HIVEP3: variants seen among roughly 807,000 people sequenced by gnomAD.
HIVEP3 encodes the protein transcription factor HIVEP3.
In HIVEP3, 49 loss-of-function variants were observed where a neutral mutation model predicts 152.8. The ratio of observed to expected loss-of-function variants is 0.32; its 90% CI spans 0.26 to 0.41. The LOEUF (loss-of-function observed/expected upper bound fraction) is 0.41, where lower values mean the gene tolerates loss of function less well. Ranked by LOEUF, HIVEP3 falls within the 10% of genes least tolerant of loss-of-function variation. The pLI is 1.00. For synonymous variants in HIVEP3, 1,269 were observed against 1,289.0 expected, an observed-to-expected ratio of 0.98 and a Z score of 0.33; for missense variants, 2,790 against 3,103.3, an observed-to-expected ratio of 0.90 and a Z score of 2.40.
At position 41,506,526 on chromosome 1, in the gene HIVEP3, C is replaced by A. The variant is rs561843009; in HGVS notation, c.*3925G>T. 1 of 152,064 alleles carries A rather than the reference C, an allele frequency of 6.6e-6. No homozygotes were observed. The allele number at this position is 152,064 out of a possible 1,614,324, so 9.4% of individuals were successfully genotyped here. A position where few individuals can be genotyped will look rare whatever the true frequency, so the allele number is the denominator to read the frequency against. ...TGTAATTTACAACAAAGGTCACACA[C>A]ATCAATACTGAGCATTTTTCCTTTT... On this transcript the variant is annotated 3_prime_UTR_variant, in exon 9 of 9. Transcript: ENST00000372583.
At chr1:41,934,931 T>TA (rs1386696592) in intron 1 of HIVEP3, among the ~76,000 whole-genome samples, 1 of 152,194 alleles carries the variant, frequency 6.6e-6, no homozygotes, top group Non-Finnish European at 1.5e-5. Flanking sequence ...AGAGGCTTTC[T>TA]AGTCCACTTA....
At chr1:41,836,079 C>T (rs1428654766) in intron 1 of HIVEP3, among the ~76,000 whole-genome samples, 1 of 152,178 alleles carries the variant, frequency 6.6e-6, no homozygotes, top group African/African-American at 2.4e-5. Flanking sequence ...CAGCTCTCAG[C>T]ACCTGAGCTT....
intron 2 of HIVEP3, among the ~76,000 whole-genome samples, chr1:41,690,001 C>G (rs775068598): frequency 3.9e-5 from 6 of 152,258 alleles, no homozygotes; most frequent in Non-Finnish European, 7.3e-5. Context: ...TTGCCACAAT[C>G]CCGTGTGCCT....
At chr1:41,891,057 G>C (rs981099636) in intron 1 of HIVEP3, among the ~76,000 whole-genome samples, 2 of 152,172 alleles carry the variant, frequency 1.3e-5, no homozygotes, top group African/African-American at 4.8e-5. Context: ...GGGCTCCCCA[G>C]ATGGCCACTG....
chr1:41,981,442 T>C (rs1428557862), intron 1 of HIVEP3, among the ~76,000 whole-genome samples: 1 of 151,394 alleles, frequency 6.6e-6, no homozygotes, highest in Non-Finnish European at 1.5e-5. Flanking sequence ...GAGGAAGTGG[T>C]GGGGAGGCTC....
upstream of HIVEP3, among the ~76,000 whole-genome samples, chr1:41,920,596 G>T (rs1998758): frequency 0.3 from 39,405 of 132,740 alleles, 5,418 homozygotes; most frequent in African/African-American, 0.47. Context: ...TTTTTGTTTT[G>T]TTTTTTACCC....
Position 41,581,901 on chromosome 1 carries a change from A to T in HIVEP3, c.2897T>A (p.Met966Lys). 1 of 1,613,916 alleles carries T rather than the reference A, an allele frequency of 6.2e-7. No homozygotes were observed. The highest frequency in any genetic ancestry group is 1.6e-4 in the Middle Eastern group (1 of 6,062). Reference sequence around the variant, plus strand: ...GTGGGTGCCCAGGGGTTTGGGGCGCATGTCAGATGAGGGACTGGGGGCCTC... The same window carrying T: ...GTGGGTGCCCAGGGGTTTGGGGCGCTTGTCAGATGAGGGACTGGGGGCCTC... ...KAEAPSPSSD[M>K]RPKPLGTHML... Residue 966 changes from methionine to lysine, a missense_variant, in exon 4 of 9, where the codon ATG becomes AAG. Coordinates refer to ENST00000372583, the MANE Select transcript of HIVEP3 (RefSeq NM_024503.5). This position sits in a 1 kb window ranked among gnomAD's most constrained non-coding sequence, Gnocchi z 4.5.
chr1:41,919,029 G>A (rs866092034), upstream of HIVEP3, among the ~76,000 whole-genome samples: 9 of 152,162 alleles, frequency 5.9e-5, no homozygotes, highest in Non-Finnish European at 1.2e-4. Context: ...TAAAGGCACA[G>A]TAGGCTTGCA....
chr1:41,751,135 G>A (rs1174768282), intron 1 of HIVEP3, among the ~76,000 whole-genome samples: 1 of 152,062 alleles, frequency 6.6e-6, no homozygotes, highest in Non-Finnish European at 1.5e-5. Context: ...TTTCTCTGGG[G>A]CTCAGCATCC....
At chr1:41,941,376 C>A (rs1416909762) in intron 1 of HIVEP3, among the ~76,000 whole-genome samples, 1 of 152,142 alleles carries the variant, frequency 6.6e-6, no homozygotes, top group Admixed American at 6.5e-5. Context: ...GGAATAGAAT[C>A]CAGGCACACA....
chr1:41,553,325 G>GC (rs1253309081), intron 5 of HIVEP3, among the ~76,000 whole-genome samples: 1 of 152,106 alleles, frequency 6.6e-6, no homozygotes, highest in African/African-American at 2.4e-5. Context: ...TGCAACCCCT[G>GC]CTTTTTTTTC....
At chr1:41,527,235 CACTCA>C (rs1642996264) in intron 5 of HIVEP3, among the ~76,000 whole-genome samples, 2 of 59,298 alleles carry the variant, frequency 3.4e-5, no homozygotes, top group South Asian at 5.3e-4. Context: ...CACCCTCACA[CACTCA>C]CCTCACACAC....
At chr1:42,020,627 T>G (rs1645548367) in intron 1 of HIVEP3, among the ~76,000 whole-genome samples, 1 of 152,176 alleles carries the variant, frequency 6.6e-6, no homozygotes, top group African/African-American at 2.4e-5. Context: ...CATATAAAAA[T>G]TTCATTTAAT....
chr1:41,805,028 T>C (rs775696850), intron 1 of HIVEP3, among the ~76,000 whole-genome samples: 5 of 152,172 alleles, frequency 3.3e-5, no homozygotes, highest in Non-Finnish European at 7.4e-5. Context: ...GGCTTTACAG[T>C]GTACAGACAA....
At chr1:41,880,201 A>T (rs1390185089) in intron 1 of HIVEP3, among the ~76,000 whole-genome samples, 1 of 152,080 alleles carries the variant, frequency 6.6e-6, no homozygotes, top group African/African-American at 2.4e-5. Flanking sequence ...CTGGGACCAT[A>T]GGCATGCCAC....
At chr1:42,022,336 C>T (rs1645559243) in intron 1 of HIVEP3, among the ~76,000 whole-genome samples, 1 of 152,104 alleles carries the variant, frequency 6.6e-6, no homozygotes, top group South Asian at 2.1e-4. Context: ...ACAAAGCATC[C>T]CTCCCGTGGG....
At chr1:41,542,399 A>AC (rs201330374) in intron 5 of HIVEP3, 2,012 of 155,168 alleles carry the variant, frequency 0.013, 57 homozygotes, top group African/African-American at 0.045. Context: ...ACTTCCCAGG[A>AC]CCCCCCCGCT....
At chr1:41,906,264 GCA>G (rs1217793921) in intron 1 of HIVEP3, among the ~76,000 whole-genome samples, 1 of 151,344 alleles carries the variant, frequency 6.6e-6, no homozygotes, top group Non-Finnish European at 1.5e-5. Flanking sequence ...AGCTGAGATC[GCA>G]CCACTGCACT....
intron 3 of HIVEP3, among the ~76,000 whole-genome samples, chr1:41,605,860 G>A (rs1644816273): frequency 6.6e-6 from 1 of 152,146 alleles, no homozygotes; most frequent in Admixed American, 6.5e-5. Context: ...TCAGCTTTCA[G>A]ATTTGTTTAT....
Sources: allele counts gnomAD v4.1 joint callset (sites outside exome capture counted in the v4.1 genomes callset), GRCh38; gene constraint gnomAD v4.1.1; non-coding constraint Gnocchi (gnomAD v3.1); transcripts MANE v1.5; gene names NCBI Gene and HGNC (gene_info 2026-07-23, HGNC 2026-07-21).